Variants in RBM4 observed in about 807,000 individuals in gnomAD.
The protein encoded by RBM4 is RNA binding motif protein 4.
Under a neutral mutation model 29.5 loss-of-function variants are expected in RBM4, and 7 were observed. That is an observed-to-expected ratio of 0.24 (90% CI 0.14 to 0.45). RBM4 has a LOEUF of 0.45. RBM4 is among the 20% of genes least tolerant of loss of function. RBM4 has a pLI of 1.00. For missense variants in RBM4, 387 were observed against 502.3 expected (o/e 0.77, Z 2.19); for synonymous variants, 220 against 205.4 (o/e 1.07, Z -0.61).
At chr11:66,660,606 G>GCT (rs1359972734) in intron 2 of RBM4, among the ~76,000 whole-genome samples, 1 of 150,020 alleles carries the variant, frequency 6.7e-6, no homozygotes, top group Non-Finnish European at 1.5e-5. Flanking sequence ...CTCCCAAAGT[G>GCT]CTGGGATTAC....
At chr11:66,648,877 T>G (rs1012883287), downstream of RBM4, among the ~76,000 whole-genome samples, 1 of 151,624 alleles carries the variant, frequency 6.6e-6, no homozygotes, top group Non-Finnish European at 1.5e-5. Flanking sequence ...CTTTCTGCTT[T>G]GAGATCCTGA....
At chr11:66,661,790 G>A (rs1219351942) in intron 2 of RBM4, among the ~76,000 whole-genome samples, 1 of 152,228 alleles carries the variant, frequency 6.6e-6, no homozygotes, top group Non-Finnish European at 1.5e-5. Flanking sequence ...GGCACTTTGG[G>A]AAGCCGAGGT....
Position 66,640,070 on chromosome 11 carries a change from G to A in RBM4, c.359G>A (p.Arg120Gln), listed in dbSNP as rs1938370497. 5.0e-6 allele frequency: 8 copies of A among 1,614,186 alleles called. No individual in the cohort carries two copies. The highest frequency in any genetic ancestry group is 6.8e-6 in the Non-Finnish European group (8 of 1,180,028). ...GATTATGCCTTCGTACACATGGAGC[G>A]GGCAGAGGATGCAGTGGAGGCCATC... ...VKDYAFVHME[R>Q]AEDAVEAIRG... Residue 120 changes from arginine (R) to glutamine (Q), a missense_variant, in exon 2 of 4, where the codon CGG (arginine) becomes CAG (glutamine). By Grantham distance (43) the Arg-to-Gln change is conservative (BLOSUM62 1). Transcript: ENST00000310092.
chr11:66,644,839 C>A, intron 3 of RBM4: 2 of 351,482 alleles, frequency 5.7e-6, no homozygotes, highest in Non-Finnish European at 8.0e-6. Flanking sequence ...CTCTGCCCAG[C>A]TCAGATTTAT....
intron 2 of RBM4, chr11:66,665,069 A>G (rs1392434377): frequency 6.5e-6 from 1 of 152,856 alleles, no homozygotes; most frequent in Non-Finnish European, 1.5e-5. Context: ...AAACAAGGGT[A>G]AATTTCAGCT....
Position 66,639,738 on chromosome 11 carries a change from G to C in RBM4, c.27G>C (p.Leu9=). The change falls in exon 2 of 4, where the codon CTG becomes CTC. Residue 9 remains leucine, a synonymous_variant. Coordinates refer to ENST00000310092, the MANE Select transcript of RBM4 (RefSeq NM_002896.4). MVKLFIGN[L]PREATEQEIR... is the part of the protein sequence containing the mutation. Reference sequence around the variant, plus strand: ...TGGTGAAGCTGTTCATCGGAAACCTGCCCCGGGAGGCTACAGAGCAGGAGA... The same window carrying C: ...TGGTGAAGCTGTTCATCGGAAACCTCCCCCGGGAGGCTACAGAGCAGGAGA... 6.2e-7 allele frequency: 1 copy of C among 1,614,026 alleles called. No individual in the cohort carries two copies. The highest frequency in any genetic ancestry group is 1.1e-5 in the South Asian group (1 of 91,074).
At chr11:66,658,337 C>CTTTTTTTTTTTTTTTTTTTTTTTTT in intron 2 of RBM4, among the ~76,000 whole-genome samples, 1 of 50,458 alleles carries the variant, frequency 2.0e-5, no homozygotes, top group Non-Finnish European at 3.4e-5. Flanking sequence ...CTAGTCTGAC[C>CTTTTTTTTTTTTTTTTTTTTTTTTT]TTTTTTTTTT....
chr11:66,644,265 C>T (rs1938593362), intron 3 of RBM4, 125 bp downstream of exon 3: 4 of 1,324,512 alleles, frequency 3.0e-6, no homozygotes, highest in Non-Finnish European at 4.1e-6. Flanking sequence ...ACTAGGATGG[C>T]TCACAGGCTA....
intron 2 of RBM4, among the ~76,000 whole-genome samples, chr11:66,651,719 A>G (rs1186597248): frequency 1.3e-5 from 2 of 152,118 alleles, no homozygotes; most frequent in Non-Finnish European, 2.9e-5. Context: ...CTTATACACA[A>G]CAGAATTTTA....
At chr11:66,657,887 C>T (rs1263796044) in intron 2 of RBM4, among the ~76,000 whole-genome samples, 1 of 151,896 alleles carries the variant, frequency 6.6e-6, no homozygotes, top group African/African-American at 2.4e-5. Context: ...GCATGCCCAA[C>T]TAATTTCTGT....
chr11:66,655,720 G>C (rs1938937539), intron 2 of RBM4, among the ~76,000 whole-genome samples: 1 of 152,168 alleles, frequency 6.6e-6, no homozygotes, highest in Admixed American at 6.5e-5. Context: ...CTAACAGTAA[G>C]GAGGCCAGTG....
At chr11:66,665,673 G>A (rs1169265971) in intron 2 of RBM4, 6 of 1,513,086 alleles carry the variant, frequency 4.0e-6, no homozygotes, top group Non-Finnish European at 5.3e-6. Context: ...GTATTCCGGG[G>A]GGAAAAAAAA....
intron 2 of RBM4, among the ~76,000 whole-genome samples, chr11:66,657,682 CAAAAAAAA>C (rs763265823): frequency 7.1e-5 from 2 of 28,058 alleles, no homozygotes; most frequent in African/African-American, 2.2e-4. Flanking sequence ...GATTCCATCT[CAAAAAAAA>C]AAAAAAAAAA....
intron 2 of RBM4, among the ~76,000 whole-genome samples, chr11:66,642,087 A>G (rs377103529): frequency 6.6e-6 from 1 of 152,334 alleles, no homozygotes; most frequent in East Asian, 1.9e-4. Context: ...ATAATTGCAT[A>G]TCTACTCTCT....
rs1462155343 is a variant in RBM4, at chr11:66,639,963, C to T, written c.252C>T (p.Asn84=). 5.0e-6 allele frequency: 8 copies of T among 1,614,062 alleles called. No individual in the cohort carries two copies. Among genetic ancestry groups the T allele is most frequent in the Middle Eastern group, 1.6e-4 (1 of 6,084 alleles). ...SKTSTKLHVG[N]ISPTCTNKEL... is the part of the protein sequence containing the mutation. ...CCTCAACAAAGTTGCATGTGGGCAACATCAGTCCCACCTGCACCAATAAGG... is the reference window on the plus strand; with the variant it reads ...CCTCAACAAAGTTGCATGTGGGCAATATCAGTCCCACCTGCACCAATAAGG... Residue 84 remains asparagine (N), a synonymous_variant, in exon 2 of 4, where the codon AAC becomes AAT. Coordinates refer to ENST00000310092, the MANE Select transcript of RBM4 (RefSeq NM_002896.4).
At chr11:66,644,763 A>T (rs1938619668) in intron 3 of RBM4, 2 of 885,436 alleles carry the variant, frequency 2.3e-6, no homozygotes, top group African/African-American at 3.6e-5. Flanking sequence ...GGTAGAGAGA[A>T]ATACAAAACT....
chr11:66,665,669 C>G, intron 2 of RBM4: 1 of 1,514,688 alleles, frequency 6.6e-7, no homozygotes, highest in East Asian at 2.5e-5. Flanking sequence ...TCCTGTATTC[C>G]GGGGGGAAAA....
chr11:66,656,921 A>G (rs1938961239), intron 2 of RBM4, among the ~76,000 whole-genome samples: 1 of 151,850 alleles, frequency 6.6e-6, no homozygotes, highest in Non-Finnish European at 1.5e-5. Context: ...TGGCCGCCCA[A>G]AGTGCTGGGA....
At chr11:66,648,299 T>C (rs1352469391), downstream of RBM4, among the ~76,000 whole-genome samples, 1 of 151,318 alleles carries the variant, frequency 6.6e-6, no homozygotes, top group East Asian at 1.9e-4. Context: ...GGCAAGCAGG[T>C]TGTTTGAGCT....
Sources: allele counts gnomAD v4.1 joint callset (sites outside exome capture counted in the v4.1 genomes callset), GRCh38; gene constraint gnomAD v4.1.1; transcripts MANE v1.5; gene names NCBI Gene and HGNC (gene_info 2026-07-23, HGNC 2026-07-21).